NOTCH3: variants seen among roughly 807,000 people sequenced by gnomAD.
The protein encoded by NOTCH3 is notch receptor 3.
A neutral mutation model predicts 213.3 loss-of-function variants in NOTCH3; 86 were observed. That is an observed-to-expected ratio of 0.40 (90% CI 0.34 to 0.48). NOTCH3 has a LOEUF of 0.48. NOTCH3 is among the 20% of genes least tolerant of loss of function. The pLI is 0.57. For missense variants in NOTCH3, 2,783 were observed against 3,272.6 expected, an observed-to-expected ratio of 0.85 and a Z score of 3.65; for synonymous variants, 1,354 against 1,355.9, an observed-to-expected ratio of 1.00 and a Z score of 0.03.
chr19:15,178,375 T>G, intron 23 of NOTCH3: 1 of 463,438 alleles, frequency 2.2e-6, no homozygotes, highest in East Asian at 3.8e-5. Flanking sequence ...CTCCAGGAAA[T>G]GTCGGGGCAG....
chr19:15,183,384 T>TTTTGTTTG (rs71168596), intron 16 of NOTCH3, among the ~76,000 whole-genome samples: 20,268 of 150,166 alleles, frequency 0.13, 2,795 homozygotes, highest in African/African-American at 0.36. Context: ...CAGCACCCCT[T>TTTTGTTTG]TTTGTTTGTT....
intron 28 of NOTCH3, among the ~76,000 whole-genome samples, chr19:15,169,220 CTCTCTCTCT>C (rs2046710590): frequency 1.2e-5 from 1 of 80,704 alleles, no homozygotes; most frequent in African/African-American, 3.8e-5. Flanking sequence ...CTCTCTCTCT[CTCTCTCTCT>C]CCCCTCTGTG....
rs1336789595 is a variant in NOTCH3 at position 15,185,570 on chromosome 19, G to A, written c.2061C>T (p.Ser687=). 16 of 1,613,566 alleles carry A rather than the reference G, an allele frequency of 9.9e-6. No individual in the cohort carries two copies. The highest frequency in any genetic ancestry group is 1.4e-5 in the Non-Finnish European group (16 of 1,180,008). Residue 687 remains serine (S), a synonymous_variant, in exon 13 of 33, where the codon TCC becomes TCT. Coordinates refer to ENST00000263388, the MANE Select transcript of NOTCH3 (RefSeq NM_000435.3). The surrounding 1 kb of genome is among the most constrained non-coding windows in gnomAD (Gnocchi z 4.2). ...TCGGGGGGAGGCAGAGTGGGGGCAA[G>A]GAGCCAGGCGGGCAGAGGCAGCGGA... ...NGFRCLCPPG[S]LPPLCLPPSH... is the part of the protein sequence containing the mutation.
chr19:15,178,746 C>T (rs1455257363), intron 23 of NOTCH3, 77 bp downstream of exon 23: 4 of 1,035,838 alleles, frequency 3.9e-6, no homozygotes, highest in Non-Finnish European at 5.9e-6. Context: ...GCCACATCCT[C>T]CTCCTAGACG....
intron 2 of NOTCH3, 40 bp downstream of exon 2, chr19:15,197,458 CCA>C: frequency 8.0e-7 from 1 of 1,250,476 alleles, no homozygotes; most frequent in Non-Finnish European, 1.2e-6. Context: ...CCCCCCGCCC[CCA>C]CACACAGGGC....
rs369768722 is a variant in NOTCH3, at chr19:15,165,499, C to T, written c.5684G>A (p.Arg1895His). Residue 1895 changes from arginine to histidine, a missense_variant, in exon 31 of 33, where the codon CGC becomes CAC. Arg to His is a conservative substitution (Grantham distance 29). Transcript: ENST00000263388. This position sits in a 1 kb window ranked among gnomAD's most constrained non-coding sequence, Gnocchi z 4.7. ...QGVFQILIRN[R>H]STDLDARMAD... ...CATGCGGGCATCCAAGTCTGTAGAGCGGTTTCGGATGAGAATCTAGGACAG... is the reference window on the plus strand; with the variant it reads ...CATGCGGGCATCCAAGTCTGTAGAGTGGTTTCGGATGAGAATCTAGGACAG... 25 of 1,612,172 alleles carry T rather than the reference C, an allele frequency of 1.6e-5. No individual in the cohort carries two copies. The highest frequency in any genetic ancestry group is 2.2e-5 in the East Asian group (1 of 44,852).
chr19:15,184,550 A>G (rs2046865999), intron 15 of NOTCH3, 100 bp from the exon 16 acceptor site: 1 of 1,144,384 alleles, frequency 8.7e-7, no homozygotes, highest in Non-Finnish European at 1.3e-6. Context: ...AGATGGGTGA[A>G]GGCAAAATAA....
chr19:15,161,522 G>A lies in NOTCH3; in HGVS notation c.6106C>T (p.Pro2036Ser), dbSNP rs1287854527. The change falls in exon 33 of 33, where the codon CCC (proline) becomes TCC (serine). Residue 2036 changes from proline to serine, a missense_variant. Pro to Ser is a moderately conservative substitution (Grantham distance 74). Around this residue, in one of 6 missense-constraint regions of NOTCH3, gnomAD observed 441 missense variants for 432.1 expected, o/e 1.02. Transcript: ENST00000263388. ...QPSGPRSPPGPHGLGPLLCPP... is the reference protein window; with the variant it reads ...QPSGPRSPPGSHGLGPLLCPP... ...CAGAGCAGAGGCCCCAGGCCGTGGG[G>A]ACCGGGGGGGCTGCGGGGCCCACTG... 1 of 1,599,026 alleles carries A rather than the reference G, an allele frequency of 6.3e-7. No homozygotes were observed. The highest frequency in any genetic ancestry group is 1.1e-5 in the South Asian group (1 of 88,578).
intron 31 of NOTCH3, among the ~76,000 whole-genome samples, chr19:15,164,119 G>C (rs917641358): frequency 1.3e-5 from 2 of 152,180 alleles, no homozygotes; most frequent in Non-Finnish European, 1.5e-5. Flanking sequence ...TTCTAAAATT[G>C]ATTGTGGTAA....
At chr19:15,197,440 C>A in intron 2 of NOTCH3, 60 bp downstream of exon 2, 2 of 800,698 alleles carry the variant, frequency 2.5e-6, no homozygotes, top group Non-Finnish European at 2.2e-6. Context: ...GAAGACAAAT[C>A]GCCCCTCCCC....
chr19:15,170,459 G>T lies in NOTCH3; in HGVS notation c.4986C>A (p.Val1662=). The change falls in exon 27 of 33, where the codon GTC becomes GTA. Residue 1662 remains valine (V), a synonymous_variant. Coordinates refer to ENST00000263388, the MANE Select transcript of NOTCH3 (RefSeq NM_000435.3). ...VLLLVILVLG[V]MVARRKREHS... Reference sequence around the variant, plus strand: ...GCTCGCGCTTGCGCCGGGCCACCATGACACCCAGGACGAGAATGACCAGCA... The same window carrying T: ...GCTCGCGCTTGCGCCGGGCCACCATTACACCCAGGACGAGAATGACCAGCA... 6.2e-7 allele frequency: 1 copy of T among 1,609,138 alleles called. No homozygotes were observed.
In NOTCH3 at chr19:15,165,895, A is replaced by G; in HGVS notation, c.5559T>C (p.Asp1853=). The change falls in exon 30 of 33, where the codon GAT becomes GAC. Residue 1853 remains aspartate, a synonymous_variant. Coordinates refer to ENST00000263388, the MANE Select transcript of NOTCH3 (RefSeq NM_000435.3). This position sits in a 1 kb window ranked among gnomAD's most constrained non-coding sequence, Gnocchi z 4.7. The part of the protein sequence containing the change: ...LHLAARYARA[D]AAKRLLDAGA... ...CAGCATCCAGCAGCCGCTTGGCTGCATCAGCACGGGCATAACGGGCAGCCA... is the reference window on the plus strand; with the variant it reads ...CAGCATCCAGCAGCCGCTTGGCTGCGTCAGCACGGGCATAACGGGCAGCCA... 6.2e-7 allele frequency: 1 copy of G among 1,614,182 alleles called. No individual in the cohort carries two copies. The highest frequency in any genetic ancestry group is 8.5e-7 in the Non-Finnish European group (1 of 1,180,024).
At chr19:15,182,272 C>T (rs1314106008) in intron 16 of NOTCH3, among the ~76,000 whole-genome samples, 1 of 151,886 alleles carries the variant, frequency 6.6e-6, no homozygotes, top group African/African-American at 2.4e-5. Context: ...TTTGGGAGGC[C>T]GAGGTGGGCA....
intron 28 of NOTCH3, among the ~76,000 whole-genome samples, chr19:15,168,556 G>A (rs891269434): frequency 2.0e-5 from 3 of 152,062 alleles, no homozygotes; most frequent in Non-Finnish European, 4.4e-5. Context: ...TACAATGGCC[G>A]GGCACGGTGG....
Position 15,160,950 on chromosome 19 carries a change from T to C in NOTCH3, c.6678A>G (p.Ala2226=). 3.1e-6 allele frequency: 5 copies of C among 1,591,154 alleles called. No homozygotes were observed. Among genetic ancestry groups the C allele is most frequent in the Non-Finnish European group, 4.3e-6 (5 of 1,168,928 alleles). ...AGCGGGCCTTTGGGGGGCTGCTGTG[T>C]GCCCCAGCCGCCGGGTACTCCTCGC... ...GHGEEYPAAG[A]HSSPPKARFL... The change falls in exon 33 of 33, where the codon GCA becomes GCG. Residue 2226 remains alanine (A), a synonymous_variant. Transcript: ENST00000263388.
At position 15,161,420 on chromosome 19, in the gene NOTCH3, C is replaced by T; in HGVS notation, c.6208G>A (p.Ala2070Thr). 1 of 1,531,128 alleles carries T rather than the reference C, an allele frequency of 6.5e-7. No individual in the cohort carries two copies. Among genetic ancestry groups the T allele is most frequent in the Non-Finnish European group, 8.8e-7 (1 of 1,137,704 alleles). 94.8% of individuals were successfully genotyped at this position (1,531,128 alleles called of 1,614,324 possible). Reference sequence around the variant, plus strand: ...CGGGGCCCCTGCGGCCCCAGCCCCGCCTTCCCGGGGGGCCTCCTGCTCTTC... The same window carrying T: ...CGGGGCCCCTGCGGCCCCAGCCCCGTCTTCCCGGGGGGCCTCCTGCTCTTC... ...SKKSRRPPGKAGLGPQGPRGR... is the reference protein window; with the variant it reads ...SKKSRRPPGKTGLGPQGPRGR... Residue 2070 changes from alanine (A) to threonine (T), a missense_variant, in exon 33 of 33, where the codon GCG becomes ACG. By Grantham distance (58) the Ala-to-Thr change is moderately conservative (BLOSUM62 0). Transcript: ENST00000263388.
chr19:15,167,296 T>G lies in NOTCH3; in HGVS notation c.5315A>C (p.Gln1772Pro), dbSNP rs1555725846. 6.2e-7 allele frequency: 1 copy of G among 1,613,678 alleles called. No individual in the cohort carries two copies. Among genetic ancestry groups the G allele is most frequent in the Non-Finnish European group, 8.5e-7 (1 of 1,179,934 alleles). ...CATGCCATCAGCATCTGCGTCGCCC[T>G]GTGGTGGTGTCAGTGCCATGGCTGG... ...VAPAMALTPPQGDADADGMDV... is the reference protein window; with the variant it reads ...VAPAMALTPPPGDADADGMDV... Residue 1772 changes from glutamine (Q) to proline (P), a missense_variant, in exon 29 of 33, where the codon CAG (glutamine) becomes CCG (proline). By Grantham distance (76) the Gln-to-Pro change is moderately conservative (BLOSUM62 -1). This residue lies in a region of NOTCH3 where 636 missense variants were observed against 801.8 expected (regional missense o/e 0.79). Transcript: ENST00000263388.
chr19:15,191,794 G>A lies in NOTCH3; in HGVS notation c.753C>T (p.Cys251=), dbSNP rs1357623582. The change falls in exon 5 of 33, where the codon TGC becomes TGT. Residue 251 remains cysteine, a synonymous_variant. Transcript: ENST00000263388. Reference sequence around the variant, plus strand: ...AGTTATAGGTGTTGACGCCATCCACGCATGTCCCCCCATTGAGACATCGGT... The same window carrying A: ...AGTTATAGGTGTTGACGCCATCCACACATGTCCCCCCATTGAGACATCGGT... ...PGHRCLNGGT[C]VDGVNTYNCQ... 1.3e-5 allele frequency: 21 copies of A among 1,613,824 alleles called. No individual in the cohort carries two copies. Among genetic ancestry groups the A allele is most frequent in the Non-Finnish European group, 1.6e-5 (19 of 1,180,044 alleles).
intron 2 of NOTCH3, 59 bp downstream of exon 2, chr19:15,197,441 G>GCCCCGCCCCCCCCCC: frequency 1.3e-6 from 1 of 768,356 alleles, no homozygotes; most frequent in Non-Finnish European, 2.3e-6. Flanking sequence ...AAGACAAATC[G>GCCCCGCCCCCCCCCC]CCCCTCCCCC....
Sources: allele counts gnomAD v4.1 joint callset (sites outside exome capture counted in the v4.1 genomes callset), GRCh38; gene constraint gnomAD v4.1.1; regional missense constraint gnomAD v4.1.1; non-coding constraint Gnocchi (gnomAD v3.1); transcripts MANE v1.5; gene names NCBI Gene and HGNC (gene_info 2026-07-23, HGNC 2026-07-21).